GABRB1: variants seen among roughly 807,000 people sequenced by gnomAD.
The protein encoded by GABRB1 is gamma-aminobutyric acid receptor subunit beta-1.
In GABRB1, 17 loss-of-function variants were observed where a neutral mutation model predicts 51.6. The ratio of observed to expected loss-of-function variants is 0.33; its 90% confidence interval spans 0.23 to 0.49. GABRB1 has a LOEUF of 0.49. Ranked by LOEUF, GABRB1 falls within the 20% of genes least tolerant of loss-of-function variation. The pLI is 0.99. For missense variants in GABRB1, 410 were observed against 600.6 expected (o/e 0.68, Z 3.32); for synonymous variants, 247 against 218.9 (o/e 1.13, Z -1.14).
intron 3 of GABRB1, among the ~76,000 whole-genome samples, chr4:47,141,899 C>G (rs1031887973): frequency 6.6e-6 from 1 of 151,884 alleles, no homozygotes; most frequent in African/African-American, 2.4e-5. Flanking sequence ...CAGACTCTAT[C>G]ACCATACCCC....
intron 1 of GABRB1, among the ~76,000 whole-genome samples, chr4:46,998,984 C>T (rs1271128114): frequency 6.6e-6 from 1 of 151,924 alleles, no homozygotes; most frequent in Non-Finnish European, 1.5e-5. Flanking sequence ...GTACTAATTA[C>T]TACAAGAAAC....
intron 3 of GABRB1, among the ~76,000 whole-genome samples, chr4:47,127,036 G>C (rs1252919991): frequency 2.6e-5 from 4 of 151,780 alleles, no homozygotes; most frequent in African/African-American, 9.7e-5. Flanking sequence ...TAATACAGCT[G>C]TCCTTTTCCA....
intron 8 of GABRB1, among the ~76,000 whole-genome samples, chr4:47,416,405 G>C (rs1023238887): frequency 6.6e-6 from 1 of 151,636 alleles, no homozygotes; most frequent in African/African-American, 2.4e-5. Flanking sequence ...GTAACTAGAA[G>C]ATATAAACAG....
At chr4:47,046,377 C>T (rs748726722) in intron 3 of GABRB1, among the ~76,000 whole-genome samples, 2 of 152,086 alleles carry the variant, frequency 1.3e-5, no homozygotes, top group Admixed American at 6.6e-5. Context: ...TATCTGTTCA[C>T]TTCTGCTTAT....
chr4:47,315,989 T>C (rs1724871838), intron 4 of GABRB1, among the ~76,000 whole-genome samples: 1 of 151,728 alleles, frequency 6.6e-6, no homozygotes, highest in Admixed American at 6.6e-5. Context: ...CCCTGTAACA[T>C]GCAATTTACC....
chr4:47,361,095 T>C (rs558913859), intron 5 of GABRB1, among the ~76,000 whole-genome samples: 1 of 152,068 alleles, frequency 6.6e-6, no homozygotes, highest in African/African-American at 2.4e-5. Flanking sequence ...TGGCTCCAGG[T>C]AACCACCATA....
At chr4:47,294,399 AC>A (rs1026998240) in intron 4 of GABRB1, among the ~76,000 whole-genome samples, 1 of 152,176 alleles carries the variant, frequency 6.6e-6, no homozygotes, top group Non-Finnish European at 1.5e-5. Context: ...GGTCACTCCC[AC>A]CCTAATACTG....
At chr4:47,322,997 C>CAAT (rs1244389576) in intron 5 of GABRB1, among the ~76,000 whole-genome samples, 80 of 119,538 alleles carry the variant, frequency 6.7e-4, no homozygotes, top group Admixed American at 1.3e-3. Context: ...ACAACAACAA[C>CAAT]AATAATAATA....
intron 4 of GABRB1, among the ~76,000 whole-genome samples, chr4:47,302,031 A>G (rs1284286705): frequency 6.6e-6 from 1 of 152,166 alleles, no homozygotes; most frequent in Non-Finnish European, 1.5e-5. Context: ...TCTAAGTTAC[A>G]AATATAAAGA....
chr4:47,307,028 T>C (rs539571493), intron 4 of GABRB1, among the ~76,000 whole-genome samples: 73 of 152,260 alleles, frequency 4.8e-4, no homozygotes, highest in African/African-American at 1.7e-3. Context: ...GTTGTCAAAA[T>C]GTTTACCATG....
chr4:47,378,810 T>C (rs1207333598), intron 5 of GABRB1, among the ~76,000 whole-genome samples: 3 of 152,088 alleles, frequency 2.0e-5, no homozygotes, highest in Admixed American at 1.3e-4. Context: ...AATTAAATTA[T>C]TTAATCTTCA....
intron 5 of GABRB1, among the ~76,000 whole-genome samples, chr4:47,355,690 C>G (rs562340205): frequency 5.9e-5 from 9 of 152,294 alleles, no homozygotes; most frequent in South Asian, 2.1e-4. Context: ...GGCCTAATTA[C>G]TGTTTTCCTA....
chr4:47,063,102 A>C (rs552966864), intron 3 of GABRB1, among the ~76,000 whole-genome samples: 70 of 152,234 alleles, frequency 4.6e-4, no homozygotes, highest in African/African-American at 1.7e-3. Flanking sequence ...TAAGGCCCTA[A>C]GCAATCCCTC....
intron 3 of GABRB1, among the ~76,000 whole-genome samples, chr4:47,094,426 T>C (rs1714292175): frequency 6.6e-6 from 1 of 152,062 alleles, no homozygotes; most frequent in Non-Finnish European, 1.5e-5. Flanking sequence ...GGTTTCACCA[T>C]GCTGGCCAGG....
intron 3 of GABRB1, among the ~76,000 whole-genome samples, chr4:47,113,382 T>C (rs1715320409): frequency 9.9e-6 from 1 of 100,692 alleles, no homozygotes; most frequent in South Asian, 3.4e-4. Context: ...TGAGACTTCG[T>C]CTCCAAAAAA....
intron 3 of GABRB1, among the ~76,000 whole-genome samples, chr4:47,128,743 T>G (rs903441899): frequency 1.3e-5 from 2 of 152,010 alleles, no homozygotes; most frequent in African/African-American, 4.8e-5. Context: ...GACCTTTATT[T>G]TCAGAGGGAG....
chr4:47,062,077 T>C lies in GABRB1; in HGVS notation c.240+29593T>C, dbSNP rs142697587. On this transcript the variant is annotated intron_variant, in intron 3 of 8. Coordinates refer to ENST00000295454, the MANE Select transcript of GABRB1 (RefSeq NM_000812.4). ...TCATTTATGCTGCTTTGCACCTTAC[T>C]GGGTCCTGAAGTCCTGGCGAGCCCA... Among the ~76,000 whole-genome samples, 1,284 of 152,266 alleles carry C rather than the reference T, an allele frequency of 8.4e-3. 14 individuals carry two copies. Among genetic ancestry groups the C allele is most frequent in the African/African-American group, 0.028 (1,175 of 41,540 alleles).
chr4:47,338,585 C>T (rs918739699), intron 5 of GABRB1, among the ~76,000 whole-genome samples: 2 of 152,168 alleles, frequency 1.3e-5, no homozygotes, highest in South Asian at 2.1e-4. Flanking sequence ...TCTGAAGACA[C>T]GTATTTCTCC....
At chr4:46,994,878 C>G (rs556136749) in intron 1 of GABRB1, among the ~76,000 whole-genome samples, 1 of 152,272 alleles carries the variant, frequency 6.6e-6, no homozygotes, top group South Asian at 2.1e-4. Context: ...GAAGAGGGAA[C>G]GCATTGTATT....
Sources: gnomAD v4.1 joint callset for allele counts (sites outside exome capture counted in the v4.1 genomes callset) on GRCh38, gnomAD v4.1.1 for gene constraint, MANE v1.5 for transcripts, NCBI Gene and HGNC (gene_info 2026-07-23, HGNC 2026-07-21) for gene names.